The following SPPL3 variants were observed in gnomAD, a reference collection of about 807,000 sequenced individuals.
SPPL3 encodes signal peptide peptidase like 3.
A neutral mutation model predicts 42.4 loss-of-function variants in SPPL3; 5 were observed. The observed-to-expected ratio is 0.12, with a 90% CI of 0.06 to 0.25. The LOEUF (loss-of-function observed/expected upper bound fraction) is 0.25, where lower values mean the gene tolerates loss of function less well. Ranked by LOEUF, SPPL3 falls within the 10% of genes least tolerant of loss-of-function variation. SPPL3 has a pLI of 1.00. For synonymous variants in SPPL3, 195 were observed against 181.8 expected (o/e 1.07, Z -0.58); for missense variants, 235 against 489.0 (o/e 0.48, Z 4.90).
chr12:120,810,612 G>A (rs1354260935), intron 2 of SPPL3, among the ~76,000 whole-genome samples, 197 bp downstream of exon 2: 1 of 152,112 alleles, frequency 6.6e-6, no homozygotes, highest in African/African-American at 2.4e-5. Flanking sequence ...GCATTAACAT[G>A]CTAAACTCAT....
At position 120,768,472 on chromosome 12, in the gene SPPL3, T is replaced by A; in HGVS notation, c.626A>T (p.Tyr209Phe). 1 of 1,613,506 alleles carries A rather than the reference T, an allele frequency of 6.2e-7. No individual in the cohort carries two copies. The highest frequency in any genetic ancestry group is 8.5e-7 in the Non-Finnish European group (1 of 1,179,592). The change falls in exon 8 of 11, where the codon TAC becomes TTC. Residue 209 changes from tyrosine (Y) to phenylalanine (F), a missense_variant. Around this residue, in one of 6 missense-constraint regions of SPPL3, gnomAD observed 18 missense variants for 86.9 expected, o/e 0.21. Coordinates refer to ENST00000353487, the MANE Select transcript of SPPL3 (RefSeq NM_139015.5). ...YDVFWVFFSA[Y>F]IFNSNVMVKV... The stretch of plus-strand genomic sequence containing the variant: ...CACCATGACGTTGCTATTGAAGATG[T>A]AGGCTGAGAAAAATACCTGCCGAGT...
intron 1 of SPPL3, among the ~76,000 whole-genome samples, chr12:120,862,299 A>T (rs554017159): frequency 6.6e-6 from 1 of 152,306 alleles, no homozygotes; most frequent in Admixed American, 6.5e-5. Flanking sequence ...GTCAATAACC[A>T]ATTTTCCAAT....
chr12:120,806,798 G>A (rs1225316859), intron 2 of SPPL3, among the ~76,000 whole-genome samples: 2 of 150,778 alleles, frequency 1.3e-5, no homozygotes, highest in Non-Finnish European at 2.9e-5. Context: ...AGCGAGCTGA[G>A]ATCACACCAC....
At chr12:120,852,065 T>C (rs919432019) in intron 1 of SPPL3, among the ~76,000 whole-genome samples, 8 of 146,374 alleles carry the variant, frequency 5.5e-5, no homozygotes, top group East Asian at 2.0e-4. Context: ...ACAGATGTCA[T>C]TGTGTTTCAC....
chr12:120,781,439 A>G (rs1055188294), intron 6 of SPPL3, among the ~76,000 whole-genome samples: 2 of 151,724 alleles, frequency 1.3e-5, no homozygotes, highest in Non-Finnish European at 2.9e-5. Flanking sequence ...TATGATGTAT[A>G]TCACGTACAT....
chr12:120,797,223 C>G (rs1870128641), intron 2 of SPPL3, among the ~76,000 whole-genome samples: 1 of 151,862 alleles, frequency 6.6e-6, no homozygotes, highest in Non-Finnish European at 1.5e-5. Flanking sequence ...TTCAAGGATT[C>G]TGTGTAGATC....
chr12:120,875,771 A>C (rs998297680), intron 1 of SPPL3, among the ~76,000 whole-genome samples: 6 of 152,260 alleles, frequency 3.9e-5, no homozygotes, highest in African/African-American at 1.4e-4. Context: ...AATTACATCA[A>C]ATGTAAATGA....
chr12:120,766,100 G>GCGCGCGCACA (rs1186435935), intron 10 of SPPL3, among the ~76,000 whole-genome samples, 163 bp downstream of exon 10: 1 of 84,062 alleles, frequency 1.2e-5, no homozygotes, highest in East Asian at 3.4e-4. Context: ...GCGCGCGCGC[G>GCGCGCGCACA]CACACACACA....
intron 6 of SPPL3, among the ~76,000 whole-genome samples, chr12:120,771,981 T>C (rs1869140256): frequency 6.6e-6 from 1 of 152,234 alleles, no homozygotes; most frequent in African/African-American, 2.4e-5. Context: ...TCAGGAGTCC[T>C]TTCTCAGAGT....
Position 120,893,655 on chromosome 12 carries a change from T to C in SPPL3, c.23+10190A>G, listed in dbSNP as rs548677460. Among the ~76,000 whole-genome samples, 57 of 152,280 alleles carry C rather than the reference T, an allele frequency of 3.7e-4. 1 individual carries two copies. Among genetic ancestry groups the C allele is most frequent in the African/African-American group, 1.3e-3 (53 of 41,562 alleles). On this transcript the variant is annotated intron_variant, in intron 1 of 10. Transcript: ENST00000353487. ...CCTTTACAAATTCAATAGCCTGCTT[T>C]TTCTTCATTCTCTCTGAATCCTTGT...
Position 120,778,557 on chromosome 12 carries a change from C to T in SPPL3, c.502+4098G>A, listed in dbSNP as rs556713251. Among the ~76,000 whole-genome samples the T allele has an allele frequency of 3.3e-5, 5 of 152,208 alleles. No homozygotes were observed. In the East Asian group the frequency reaches 5.8e-4, roughly 18 times the overall value. ...ACCCCTGTTTTTTCTTTATAGTCACCCTACTCCTCCACACAAACCCTGCCA... is the reference window on the plus strand; with the variant it reads ...ACCCCTGTTTTTTCTTTATAGTCACTCTACTCCTCCACACAAACCCTGCCA... On this transcript the variant is annotated intron_variant, in intron 6 of 10. Coordinates refer to ENST00000353487, the MANE Select transcript of SPPL3 (RefSeq NM_139015.5).
chr12:120,864,478 C>T (rs561371302), intron 1 of SPPL3, among the ~76,000 whole-genome samples: 5 of 152,072 alleles, frequency 3.3e-5, no homozygotes, highest in East Asian at 1.9e-4. Flanking sequence ...GAGGCTGCAG[C>T]GAGCCGAGAT....
At chr12:120,878,923 G>C (rs10849809) in intron 1 of SPPL3, among the ~76,000 whole-genome samples, 9,709 of 151,642 alleles carry the variant, frequency 0.064, 548 homozygotes, top group East Asian at 0.3. Context: ...AGACTAGCTC[G>C]ACCAACATGG....
intron 1 of SPPL3, among the ~76,000 whole-genome samples, chr12:120,816,684 G>C (rs148361780): frequency 2.8e-4 from 42 of 152,082 alleles, no homozygotes; most frequent in East Asian, 9.7e-4. Context: ...GCTAATTTTT[G>C]TATTTTTTGT....
chr12:120,853,976 G>GCACACACACACACACA (rs1246999754), intron 1 of SPPL3, among the ~76,000 whole-genome samples: 4 of 64,146 alleles, frequency 6.2e-5, no homozygotes, highest in African/African-American at 6.9e-5. Context: ...CCACACACAC[G>GCACACACACACACACA]CACACATACA....
chr12:120,775,888 A>C (rs2136972420), intron 6 of SPPL3, among the ~76,000 whole-genome samples: 1 of 152,334 alleles, frequency 6.6e-6, no homozygotes, highest in South Asian at 2.1e-4. Context: ...GACTTCAGTT[A>C]AGAAACACTA....
intron 1 of SPPL3, among the ~76,000 whole-genome samples, chr12:120,857,280 T>A (rs1872493254): frequency 6.6e-6 from 1 of 152,154 alleles, no homozygotes; most frequent in Non-Finnish European, 1.5e-5. Flanking sequence ...TGTGATACCA[T>A]CTCACACCAG....
chr12:120,903,759 C>T (rs1874063158), intron 1 of SPPL3, 86 bp downstream of exon 1: 5 of 471,582 alleles, frequency 1.1e-5, no homozygotes, highest in African/African-American at 4.4e-5. Flanking sequence ...CGCACCTGTT[C>T]TTCCTCCTCT....
At chr12:120,863,744 C>G (rs1872679527) in intron 1 of SPPL3, among the ~76,000 whole-genome samples, 1 of 151,158 alleles carries the variant, frequency 6.6e-6, no homozygotes, top group South Asian at 2.1e-4. Context: ...TGGGCTGAAG[C>G]TATCCTCCTG....
Sources: allele counts gnomAD v4.1 joint callset (sites outside exome capture counted in the v4.1 genomes callset), GRCh38; gene constraint gnomAD v4.1.1; regional missense constraint gnomAD v4.1.1; transcripts MANE v1.5; gene names NCBI Gene and HGNC (gene_info 2026-07-23, HGNC 2026-07-21).